The following CELF4 variants were observed in gnomAD, a reference collection of about 807,000 sequenced individuals.
CELF4 encodes the protein CUGBP Elav-like family member 4, also known as CUG-BP- and ETR-3-like factor 4.
Under a neutral mutation model 59.9 loss-of-function variants are expected in CELF4, and 18 were observed. That is an observed-to-expected ratio of 0.30 (90% CI 0.21 to 0.45). The LOEUF (loss-of-function observed/expected upper bound fraction) is 0.45. CELF4 is among the 20% of genes least tolerant of loss of function. The probability of loss-of-function intolerance (pLI) is 1.00; values close to 1 mark genes in which losing one functional copy is unlikely to be tolerated. For synonymous variants in CELF4, 261 were observed against 267.1 expected, an observed-to-expected ratio of 0.98 and a Z score of 0.22; for missense variants, 456 against 689.0, an observed-to-expected ratio of 0.66 and a Z score of 3.79.
chr18:37,562,156 T>G (rs1394245378), intron 1 of CELF4, among the ~76,000 whole-genome samples: 1 of 152,182 alleles, frequency 6.6e-6, no homozygotes, highest in South Asian at 2.1e-4. Context: ...TTCTCTGATA[T>G]GGCTGGGTTT....
At chr18:37,366,461 G>C (rs1213436257) in intron 2 of CELF4, among the ~76,000 whole-genome samples, 3 of 152,192 alleles carry the variant, frequency 2.0e-5, no homozygotes, top group Admixed American at 6.5e-5. Context: ...CTGAGGCTGA[G>C]AGGTGGGTGG....
chr18:37,256,236 C>G (rs1002258475), intron 11 of CELF4, among the ~76,000 whole-genome samples: 1 of 152,186 alleles, frequency 6.6e-6, no homozygotes, highest in African/African-American at 2.4e-5. Flanking sequence ...CTATGGTATT[C>G]CCCCAGCCCT....
intron 11 of CELF4, among the ~76,000 whole-genome samples, chr18:37,255,473 T>G (rs1600401522): frequency 6.6e-6 from 1 of 151,498 alleles, no homozygotes; most frequent in East Asian, 1.9e-4. Context: ...GCAACAAAAC[T>G]AACCTCTGTA....
chr18:37,480,548 A>G (rs1304408048), intron 2 of CELF4, among the ~76,000 whole-genome samples: 1 of 152,156 alleles, frequency 6.6e-6, no homozygotes, highest in African/African-American at 2.4e-5. Context: ...TCTTGCCTTC[A>G]TCCTTTCTAC....
intron 2 of CELF4, among the ~76,000 whole-genome samples, chr18:37,330,727 C>T (rs148979861): frequency 2.0e-5 from 3 of 152,314 alleles, no homozygotes; most frequent in East Asian, 3.9e-4. Flanking sequence ...TCATGACCCT[C>T]GTTCCCTCCT....
At chr18:37,485,063 C>T (rs918665564) in intron 2 of CELF4, among the ~76,000 whole-genome samples, 2 of 152,188 alleles carry the variant, frequency 1.3e-5, no homozygotes, top group African/African-American at 4.8e-5. Context: ...CGCACAGAAG[C>T]TATAAACCAG....
intron 3 of CELF4, among the ~76,000 whole-genome samples, chr18:37,311,483 G>A (rs1174794939): frequency 1.3e-5 from 2 of 152,158 alleles, no homozygotes; most frequent in South Asian, 2.1e-4. Flanking sequence ...AGGAGATAAA[G>A]ATTCTCTTAA....
intron 2 of CELF4, among the ~76,000 whole-genome samples, chr18:37,450,479 C>T (rs2099760169): frequency 6.6e-6 from 1 of 151,858 alleles, no homozygotes; most frequent in Non-Finnish European, 1.5e-5. Flanking sequence ...ACTGCCATTT[C>T]CCTCTGTCTC....
At chr18:37,297,510 C>T (rs761789282) in intron 3 of CELF4, among the ~76,000 whole-genome samples, 2 of 152,182 alleles carry the variant, frequency 1.3e-5, no homozygotes, top group African/African-American at 2.4e-5. Context: ...ACTCTCCTAG[C>T]GTTATCTGGG....
chr18:37,335,150 C>T (rs1252682645), intron 2 of CELF4, among the ~76,000 whole-genome samples: 4 of 152,024 alleles, frequency 2.6e-5, no homozygotes, highest in African/African-American at 2.4e-5. Context: ...AATGACGAAT[C>T]GGGTTAAATT....
At chr18:37,285,995 TG>T (rs1456410838) in intron 3 of CELF4, among the ~76,000 whole-genome samples, 1 of 152,176 alleles carries the variant, frequency 6.6e-6, no homozygotes. Context: ...TATAACATAA[TG>T]GGGCTTTTTT....
intron 2 of CELF4, among the ~76,000 whole-genome samples, chr18:37,390,253 TC>T (rs1557404221): frequency 6.6e-6 from 1 of 152,124 alleles, no homozygotes; most frequent in Non-Finnish European, 1.5e-5. Context: ...TGTCAGTTTC[TC>T]CACTTGATTC....
intron 2 of CELF4, among the ~76,000 whole-genome samples, chr18:37,353,645 G>C (rs565421947): frequency 6.7e-6 from 1 of 150,240 alleles, no homozygotes; most frequent in South Asian, 2.1e-4. Context: ...GGTGGGGCTG[G>C]GGGAAAGGTG....
chr18:37,288,803 A>T (rs939820323), intron 3 of CELF4, among the ~76,000 whole-genome samples: 1 of 152,150 alleles, frequency 6.6e-6, no homozygotes, highest in African/African-American at 2.4e-5. Flanking sequence ...GAAGGGTGGC[A>T]ACATATTATC....
At chr18:37,364,684 A>G (rs949919695) in intron 2 of CELF4, among the ~76,000 whole-genome samples, 1 of 152,210 alleles carries the variant, frequency 6.6e-6, no homozygotes, top group Non-Finnish European at 1.5e-5. Flanking sequence ...GGTTAGTCCT[A>G]AAGAACTGAG....
chr18:37,544,376 G>A (rs143515428), intron 1 of CELF4, among the ~76,000 whole-genome samples: 18 of 152,292 alleles, frequency 1.2e-4, no homozygotes, highest in African/African-American at 4.1e-4. Context: ...CTGCGGGGCT[G>A]GACCTCAGTG....
At chr18:37,331,143 G>A (rs767745591) in intron 2 of CELF4, among the ~76,000 whole-genome samples, 6 of 152,240 alleles carry the variant, frequency 3.9e-5, no homozygotes, top group African/African-American at 7.2e-5. Flanking sequence ...GACTTCCAGC[G>A]CTGCGCTGCC....
intron 2 of CELF4, among the ~76,000 whole-genome samples, chr18:37,387,320 C>A (rs2099110261): frequency 6.6e-6 from 1 of 152,216 alleles, no homozygotes; most frequent in Admixed American, 6.5e-5. Context: ...CCCAAACCAG[C>A]AGAGCAGCAA....
intron 3 of CELF4, among the ~76,000 whole-genome samples, chr18:37,311,290 T>C (rs2096636966): frequency 6.6e-6 from 1 of 152,204 alleles, no homozygotes; most frequent in Non-Finnish European, 1.5e-5. Context: ...GTATTTATAA[T>C]GTGTGCCTGC....
Sources: allele counts gnomAD v4.1 joint callset (sites outside exome capture counted in the v4.1 genomes callset), GRCh38; gene constraint gnomAD v4.1.1; transcripts MANE v1.5; gene names NCBI Gene and HGNC (gene_info 2026-07-23, HGNC 2026-07-21).